The following FARS2 variants were observed in gnomAD, a reference collection of about 807,000 sequenced individuals.
FARS2 encodes the protein phenylalanine--tRNA ligase, mitochondrial.
Under a neutral mutation model 46.4 loss-of-function variants are expected in FARS2, and 40 were observed. That is an observed-to-expected ratio of 0.86 (90% confidence interval 0.67 to 1.12). The LOEUF is 1.12. FARS2 is among the 50% of genes most tolerant of loss of function. The pLI, the probability that FARS2 is intolerant of heterozygous loss-of-function variation, is 0.00. For synonymous variants in FARS2, 234 were observed against 214.9 expected (o/e 1.09, Z -0.78); for missense variants, 513 against 567.9 (o/e 0.90, Z 0.98).
chr6:5,553,071 C>T (rs1158199082), intron 5 of FARS2, among the ~76,000 whole-genome samples: 6 of 152,036 alleles, frequency 3.9e-5, no homozygotes, highest in Admixed American at 2.0e-4. Context: ...TTAGAACTTA[C>T]TAATTCTGTG....
chr6:5,766,302 T>C (rs1762746468), intron 6 of FARS2, among the ~76,000 whole-genome samples: 1 of 152,232 alleles, frequency 6.6e-6, no homozygotes, highest in African/African-American at 2.4e-5. Context: ...CCCCATGCTC[T>C]TACCCTTCCT....
chr6:5,506,516 G>T (rs1464195444), intron 4 of FARS2, among the ~76,000 whole-genome samples: 1 of 152,158 alleles, frequency 6.6e-6, no homozygotes, highest in Non-Finnish European at 1.5e-5. Flanking sequence ...TTACAATTCT[G>T]CAGGCTCCTT....
chr6:5,732,117 G>A (rs115433128), intron 6 of FARS2, among the ~76,000 whole-genome samples: 5,258 of 152,236 alleles, frequency 0.035, 143 homozygotes, highest in Non-Finnish European at 0.056. Context: ...ATTGAAAGTC[G>A]CTTAAATAAC....
At position 5,379,952 on chromosome 6, in the gene FARS2, G is replaced by T. The variant is rs112654563; in HGVS notation, c.612+10770G>T. On this transcript the variant is annotated intron_variant, in intron 2 of 6. Coordinates refer to ENST00000274680, the MANE Select transcript of FARS2 (RefSeq NM_006567.5). The stretch of plus-strand genomic sequence containing the variant: ...ATGAAGGATTGATTGTTTTGTGTAG[G>T]TGATAAGTGACAGAGTCAGCTTGCT... Among the ~76,000 whole-genome samples the T allele has an allele frequency of 1.8e-3, 273 of 152,348 alleles. 2 individuals are homozygous for T. Among genetic ancestry groups the T allele is most frequent in the African/African-American group, 6.3e-3 (262 of 41,590 alleles).
At chr6:5,451,121 T>A (rs919010368) in intron 4 of FARS2, among the ~76,000 whole-genome samples, 1 of 152,176 alleles carries the variant, frequency 6.6e-6, no homozygotes, top group Non-Finnish European at 1.5e-5. Flanking sequence ...TTTTGTATAT[T>A]TCCTGGAAAA....
rs185852052 is a variant in FARS2 at position 5,568,041 on chromosome 6, G to C, written c.1065+22701G>C. ...GCTTAAAAAAGTTGTTGTGAAAAGAGATGAGTGTTTCTCTGTTGACTTGTG... is the reference window on the plus strand; with the variant it reads ...GCTTAAAAAAGTTGTTGTGAAAAGACATGAGTGTTTCTCTGTTGACTTGTG... On this transcript the variant is annotated intron_variant, in intron 5 of 6. Transcript: ENST00000274680. 5.3e-5 allele frequency among the ~76,000 whole-genome samples: 8 copies of C among 152,330 alleles called. No individual in the cohort carries two copies. The East Asian group carries it at 1.5e-3, about 29-fold the overall frequency.
intron 4 of FARS2, among the ~76,000 whole-genome samples, chr6:5,501,546 G>C (rs986431318): frequency 3.3e-5 from 5 of 151,956 alleles, no homozygotes; most frequent in Non-Finnish European, 2.9e-5. Context: ...GCCCAGGCTG[G>C]AGTGCAGTGG....
intron 1 of FARS2, among the ~76,000 whole-genome samples, chr6:5,300,517 C>T (rs1768223350): frequency 2.0e-5 from 3 of 152,088 alleles, no homozygotes; most frequent in Non-Finnish European, 4.4e-5. Flanking sequence ...ATGTAGCTCT[C>T]TTCTCACTTT....
intron 4 of FARS2, among the ~76,000 whole-genome samples, chr6:5,519,975 C>T (rs749528003): frequency 6.6e-6 from 1 of 152,158 alleles, no homozygotes; most frequent in Admixed American, 6.5e-5. Flanking sequence ...CCTTAAAATT[C>T]GACTTTGCTT....
intron 4 of FARS2, among the ~76,000 whole-genome samples, chr6:5,438,241 C>A (rs1763641930): frequency 1.7e-4 from 2 of 11,724 alleles, no homozygotes; most frequent in African/African-American, 2.6e-4. Context: ...TTCTACCCAC[C>A]CCCCGCCCCC....
chr6:5,739,668 G>A (rs900754983), intron 6 of FARS2, among the ~76,000 whole-genome samples: 3 of 152,172 alleles, frequency 2.0e-5, no homozygotes, highest in African/African-American at 7.2e-5. Flanking sequence ...ATTCTGGAGT[G>A]TTAGAAAATA....
rs771506886 is a variant in FARS2 at position 5,709,671 on chromosome 6, G to GGT, written c.1218-61594_1218-61593dup. 7.2e-3 allele frequency among the ~76,000 whole-genome samples: 703 copies of GGT among 97,200 alleles called. 19 individuals are homozygous for GGT. The highest frequency in any genetic ancestry group is 0.019 in the African/African-American group (536 of 28,466). The allele number at this position is 97,200 out of a possible 152,430, so 63.8% of individuals were successfully genotyped here. ...TGGTCCCCTGTTGATGTTCCAAGAG[G>GGT]GTGTGTGTGTGTGTGTGTGTGTGTG... On this transcript the variant is annotated intron_variant, in intron 6 of 6. Coordinates refer to ENST00000274680, the MANE Select transcript of FARS2 (RefSeq NM_006567.5).
chr6:5,741,661 G>T (rs982746906), intron 6 of FARS2, among the ~76,000 whole-genome samples: 1 of 152,102 alleles, frequency 6.6e-6, no homozygotes, highest in Non-Finnish European at 1.5e-5. Flanking sequence ...CCTGTTGTTT[G>T]TTTTTTTCTG....
At chr6:5,291,831 G>A (rs142512919) in intron 1 of FARS2, among the ~76,000 whole-genome samples, 150 of 152,096 alleles carry the variant, frequency 9.9e-4, no homozygotes, top group African/African-American at 3.4e-3. Context: ...GTATTCATTT[G>A]TTAATTTTAC....
intron 1 of FARS2, among the ~76,000 whole-genome samples, chr6:5,270,342 G>A (rs778551352): frequency 2.0e-5 from 3 of 148,930 alleles, no homozygotes; most frequent in East Asian, 4.0e-4. Flanking sequence ...TGGCTTCTGC[G>A]TACTGTGAGA....
At chr6:5,372,613 A>G (rs981978283) in intron 2 of FARS2, among the ~76,000 whole-genome samples, 21 of 152,184 alleles carry the variant, frequency 1.4e-4, no homozygotes, top group African/African-American at 4.6e-4. Context: ...TTAAAAATAT[A>G]CAAGTATAGC....
chr6:5,627,392 C>T (rs1037272423), intron 6 of FARS2, among the ~76,000 whole-genome samples: 4 of 152,188 alleles, frequency 2.6e-5, no homozygotes, highest in Non-Finnish European at 4.4e-5. Flanking sequence ...GAAAATTAAG[C>T]AGGTGAAATA....
At chr6:5,766,236 G>C (rs1762742177) in intron 6 of FARS2, among the ~76,000 whole-genome samples, 1 of 152,254 alleles carries the variant, frequency 6.6e-6, no homozygotes, top group Non-Finnish European at 1.5e-5. Context: ...GTCCTGATGA[G>C]TGTGCCTGCG....
chr6:5,553,052 C>T (rs1292605300), intron 5 of FARS2, among the ~76,000 whole-genome samples: 2 of 152,206 alleles, frequency 1.3e-5, no homozygotes, highest in Non-Finnish European at 2.9e-5. Context: ...ATTTTACTTA[C>T]AGATTTTATT....
Sources: allele counts gnomAD v4.1 joint callset (sites outside exome capture counted in the v4.1 genomes callset), GRCh38; gene constraint gnomAD v4.1.1; transcripts MANE v1.5; gene names NCBI Gene and HGNC (gene_info 2026-07-23, HGNC 2026-07-21).